DLGAP1: variants seen among roughly 807,000 people sequenced by gnomAD.
DLGAP1 encodes the protein DLG associated protein 1.
A neutral mutation model predicts 90.8 loss-of-function variants in DLGAP1; 11 were observed. The ratio of observed to expected loss-of-function variants is 0.12; its 90% CI spans 0.08 to 0.20. The LOEUF is 0.20. Ranked by LOEUF, DLGAP1 falls within the 10% of genes least tolerant of loss-of-function variation. The probability of loss-of-function intolerance (pLI) is 1.00; values close to 1 mark genes in which losing one functional copy is unlikely to be tolerated. For synonymous variants in DLGAP1, 558 were observed against 540.7 expected (o/e 1.03, Z -0.44); for missense variants, 1,050 against 1,333.8 (o/e 0.79, Z 3.31).
chr18:3,748,489 C>T (rs1324619384), intron 5 of DLGAP1, among the ~76,000 whole-genome samples: 2 of 152,196 alleles, frequency 1.3e-5, no homozygotes, highest in East Asian at 1.9e-4. Flanking sequence ...GGTGATGGAC[C>T]ATCTTATGGA....
chr18:4,220,152 T>C (rs901509137), intron 1 of DLGAP1, among the ~76,000 whole-genome samples: 1 of 152,158 alleles, frequency 6.6e-6, no homozygotes, highest in Non-Finnish European at 1.5e-5. Context: ...TACAGTTTTT[T>C]CATCAATGCT....
intron 2 of DLGAP1, among the ~76,000 whole-genome samples, chr18:4,019,802 CGCGCGTGT>C (rs1568355236): frequency 6.9e-6 from 1 of 144,534 alleles, no homozygotes; most frequent in Non-Finnish European, 1.5e-5. Context: ...CACATAGGCG[CGCGCGTGT>C]GCGCGCACAC....
intron 7 of DLGAP1, among the ~76,000 whole-genome samples, chr18:3,635,200 G>A (rs566500687): frequency 8.0e-5 from 12 of 150,702 alleles, no homozygotes; most frequent in African/African-American, 1.5e-4. Flanking sequence ...GCGGGATCTC[G>A]GCTCACTGCA....
chr18:3,761,932 CAGA>C (rs2063987329), intron 5 of DLGAP1, among the ~76,000 whole-genome samples: 1 of 152,196 alleles, frequency 6.6e-6, no homozygotes, highest in Non-Finnish European at 1.5e-5. Flanking sequence ...CTCTCTTTAA[CAGA>C]AGAACTTCGT....
intron 2 of DLGAP1, among the ~76,000 whole-genome samples, chr18:4,130,516 A>G (rs1543229): frequency 0.27 from 41,761 of 152,048 alleles, 7,188 homozygotes; most frequent in African/African-American, 0.48. Flanking sequence ...TATTTATTGA[A>G]TCACTTGTCA....
At chr18:3,742,971 TTCC>T (rs1215097820) in intron 5 of DLGAP1, among the ~76,000 whole-genome samples, 16 of 151,486 alleles carry the variant, frequency 1.1e-4, no homozygotes, top group Non-Finnish European at 1.6e-4. Context: ...CCTTCCTTCC[TTCC>T]TTCCTTCCTT....
At chr18:3,535,767 C>T (rs2052332919) in intron 9 of DLGAP1, among the ~76,000 whole-genome samples, 1 of 151,472 alleles carries the variant, frequency 6.6e-6, no homozygotes, top group African/African-American at 2.4e-5. Flanking sequence ...CGCAGTGGCT[C>T]ACGCTTGTAA....
intron 7 of DLGAP1, among the ~76,000 whole-genome samples, chr18:3,586,073 A>G (rs1488399555): frequency 6.6e-6 from 1 of 152,166 alleles, no homozygotes; most frequent in African/African-American, 2.4e-5. Flanking sequence ...CTTGCTCAAC[A>G]GGGACATTGG....
At chr18:4,181,916 A>C (rs1324037051) in intron 1 of DLGAP1, among the ~76,000 whole-genome samples, 2 of 152,164 alleles carry the variant, frequency 1.3e-5, no homozygotes, top group East Asian at 3.9e-4. Flanking sequence ...CACCAGTAGC[A>C]ACATATGTAT....
At position 3,879,155 on chromosome 18, in the gene DLGAP1, T is replaced by G. The variant is rs774638362; in HGVS notation, c.914A>C (p.Lys305Thr). ...ASVNMDQAMV[K>T]SESCQQERSC... ...GCGTTCTTGCTGACACGACTCGGAC[T>G]TCACCATGGCCTGGTCCATGTTCAC... Residue 305 changes from lysine to threonine, a missense_variant, in exon 4 of 13, where the codon AAG becomes ACG. Around this residue, in one of 2 missense-constraint regions of DLGAP1, gnomAD observed 485 missense variants for 454.1 expected, o/e 1.07. Transcript: ENST00000315677. This position sits in a 1 kb window ranked among gnomAD's most constrained non-coding sequence, Gnocchi z 6.6. 6.0e-6 allele frequency: 9 copies of G among 1,510,048 alleles called. No individual in the cohort carries two copies. The highest frequency in any genetic ancestry group is 4.6e-5 in the Admixed American group (2 of 43,654). 93.5% of individuals were successfully genotyped at this position (1,510,048 alleles called of 1,614,324 possible). A position where few individuals can be genotyped will look rare whatever the true frequency, so the allele number is the denominator to read the frequency against.
At chr18:4,417,210 T>C (rs749451716) in intron 1 of DLGAP1, among the ~76,000 whole-genome samples, 6 of 152,210 alleles carry the variant, frequency 3.9e-5, no homozygotes, top group Non-Finnish European at 7.3e-5. Flanking sequence ...AGAATCCAGC[T>C]GTGTGGTCTC....
At chr18:4,270,310 G>A (rs1334232182) in intron 1 of DLGAP1, among the ~76,000 whole-genome samples, 1 of 152,070 alleles carries the variant, frequency 6.6e-6, no homozygotes, top group Non-Finnish European at 1.5e-5. Context: ...GCCTCACTTT[G>A]TTCTTCCTCT....
At chr18:4,094,133 G>A (rs2075633213) in intron 2 of DLGAP1, among the ~76,000 whole-genome samples, 1 of 151,538 alleles carries the variant, frequency 6.6e-6, no homozygotes, top group Non-Finnish European at 1.5e-5. Context: ...TGTAATGACT[G>A]GAATTAAAAA....
intron 9 of DLGAP1, among the ~76,000 whole-genome samples, chr18:3,544,912 C>T (rs1483547350): frequency 6.6e-6 from 1 of 151,592 alleles, no homozygotes; most frequent in Admixed American, 6.6e-5. Flanking sequence ...ATAAATTTTG[C>T]CCTCTATTAA....
At chr18:3,747,425 G>T (rs906079939) in intron 5 of DLGAP1, among the ~76,000 whole-genome samples, 1 of 152,132 alleles carries the variant, frequency 6.6e-6, no homozygotes. Flanking sequence ...AAAGAGAATC[G>T]TAGCTGGAAG....
intron 4 of DLGAP1, among the ~76,000 whole-genome samples, chr18:3,856,525 C>G (rs2069652342): frequency 6.6e-6 from 1 of 152,190 alleles, no homozygotes; most frequent in Non-Finnish European, 1.5e-5. Flanking sequence ...TCACTTGAAA[C>G]AGAAGAAACC....
rs1275793803 is a variant in DLGAP1 at position 3,496,448 on chromosome 18, C to G, written c.*2737G>C. Reference sequence around the variant, plus strand: ...ATTTACCATTTCAAATATTAAAAATCTTTAATCCATTTCTTCATCTCTCTT... The same window carrying G: ...ATTTACCATTTCAAATATTAAAAATGTTTAATCCATTTCTTCATCTCTCTT... On this transcript the variant is annotated 3_prime_UTR_variant, in exon 13 of 13. Coordinates refer to ENST00000315677, the MANE Select transcript of DLGAP1 (RefSeq NM_004746.4). 1 of 152,050 alleles carries G rather than the reference C, an allele frequency of 6.6e-6. No individual in the cohort carries two copies. Among genetic ancestry groups the G allele is most frequent in the African/African-American group, 2.4e-5 (1 of 41,410 alleles). The allele number at this position is 152,050 out of a possible 1,614,324, so 9.4% of individuals were successfully genotyped here.
rs530540928 is a variant in DLGAP1, at chr18:4,368,684, T to C, written c.-267+86322A>G. ...ACACACACACACACACACACACACA[T>C]CCTATTGGTTCTGTTTCTCTAGAGA... On this transcript the variant is annotated intron_variant, in intron 1 of 12. Transcript: ENST00000315677. Among the ~76,000 whole-genome samples the C allele has an allele frequency of 3.6e-4, 47 of 129,058 alleles. 1 individual carries two copies. The East Asian group carries it at 9.5e-3, about 26-fold the overall frequency. The allele number at this position is 129,058 out of a possible 152,430, so 84.7% of individuals were successfully genotyped here. A position where few individuals can be genotyped will look rare whatever the true frequency, so the allele number is the denominator to read the frequency against.
chr18:4,253,203 T>C (rs1310136097), intron 1 of DLGAP1, among the ~76,000 whole-genome samples: 1 of 152,182 alleles, frequency 6.6e-6, no homozygotes, highest in Non-Finnish European at 1.5e-5. Flanking sequence ...GCAGTAGGAT[T>C]TTATGGCCAA....
Sources: allele counts gnomAD v4.1 joint callset (sites outside exome capture counted in the v4.1 genomes callset), GRCh38; gene constraint gnomAD v4.1.1; regional missense constraint gnomAD v4.1.1; non-coding constraint Gnocchi (gnomAD v3.1); transcripts MANE v1.5; gene names NCBI Gene and HGNC (gene_info 2026-07-23, HGNC 2026-07-21).